RPS6KA2: variants seen among roughly 807,000 people sequenced by gnomAD.
RPS6KA2 encodes ribosomal protein S6 kinase A2.
Under a neutral mutation model 91.8 loss-of-function variants are expected in RPS6KA2, and 42 were observed. The observed-to-expected ratio is 0.46, with a 90% confidence interval of 0.36 to 0.59. The LOEUF is 0.59. RPS6KA2 is among the 20% of genes least tolerant of loss of function. The pLI is 0.00. For missense variants in RPS6KA2, 798 were observed against 978.5 expected (o/e 0.82, Z 2.46); for synonymous variants, 414 against 393.6 (o/e 1.05, Z -0.61).
At chr6:166,436,333 A>C (rs1296579859) in intron 14 of RPS6KA2, among the ~76,000 whole-genome samples, 2 of 152,130 alleles carry the variant, frequency 1.3e-5, no homozygotes, top group South Asian at 2.1e-4. Flanking sequence ...AAAAAAAAAA[A>C]ACCTCAGATG....
intron 2 of RPS6KA2, among the ~76,000 whole-genome samples, chr6:166,842,619 G>A (rs1327288708): frequency 1.3e-5 from 2 of 152,236 alleles, no homozygotes; most frequent in Admixed American, 6.5e-5. Flanking sequence ...CAGAGGGGCT[G>A]TATCCATAAC....
chr6:166,764,960 A>T (rs986725122), intron 2 of RPS6KA2, among the ~76,000 whole-genome samples: 18 of 152,204 alleles, frequency 1.2e-4, no homozygotes, highest in African/African-American at 4.1e-4. Flanking sequence ...CTGTCCTCTC[A>T]TCATATGTCC....
At position 166,451,115 on chromosome 6, in the gene RPS6KA2, G is replaced by T. The variant is rs747699856; in HGVS notation, c.1194C>A (p.His398Gln). Residue 398 changes from histidine to glutamine, a missense_variant, in exon 13 of 21, where the codon CAC (histidine) becomes CAA (glutamine). His to Gln is a conservative substitution (Grantham distance 24). Transcript: ENST00000265678. ...SQQDLHKVPV[H>Q]PIVQQLHGNN... Reference sequence around the variant, plus strand: ...CAAACACAGTTACCTGCACGATTGGGTGAACTGGGACTTTGTGCAGATCTT... The same window carrying T: ...CAAACACAGTTACCTGCACGATTGGTTGAACTGGGACTTTGTGCAGATCTT... The T allele has an allele frequency of 6.2e-7, 1 of 1,614,090 alleles. No individual in the cohort carries two copies. Among genetic ancestry groups the T allele is most frequent in the Non-Finnish European group, 8.5e-7 (1 of 1,179,980 alleles).
At chr6:166,657,684 G>T (rs375146345) in intron 2 of RPS6KA2, among the ~76,000 whole-genome samples, 82 of 152,310 alleles carry the variant, frequency 5.4e-4, no homozygotes, top group Middle Eastern at 6.8e-3. Context: ...AGTGTGCTAG[G>T]CGTTGGAAGG....
chr6:166,537,866 A>T (rs1033223134), intron 2 of RPS6KA2, among the ~76,000 whole-genome samples: 1 of 152,242 alleles, frequency 6.6e-6, no homozygotes, highest in Non-Finnish European at 1.5e-5. Context: ...TATATTTCTA[A>T]CAGCTAACCC....
At chr6:166,578,201 C>A (rs147218270) in intron 1 of RPS6KA2, among the ~76,000 whole-genome samples, 1 of 152,158 alleles carries the variant, frequency 6.6e-6, no homozygotes, top group African/African-American at 2.4e-5. Context: ...GGTTTCCTGA[C>A]CCTCAAGATG....
intron 2 of RPS6KA2, among the ~76,000 whole-genome samples, chr6:166,678,842 G>A (rs943022570): frequency 3.3e-5 from 5 of 152,186 alleles, no homozygotes; most frequent in Non-Finnish European, 5.9e-5. Context: ...GCTCTCAACC[G>A]CAAAGCAGGT....
At chr6:166,718,682 C>T (rs11966441) in intron 2 of RPS6KA2, among the ~76,000 whole-genome samples, 5 of 152,068 alleles carry the variant, frequency 3.3e-5, no homozygotes, top group South Asian at 4.1e-4. Flanking sequence ...TCAATACAGA[C>T]GTATCTGTAA....
In RPS6KA2 at chr6:166,648,031, CACAT is replaced by C. The variant is rs1185992506; in HGVS notation, c.124-109251_124-109248del. On this transcript the variant is annotated intron_variant, in intron 2 of 21. Coordinates refer to the RPS6KA2 transcript ENST00000503859. The surrounding 1 kb of genome is among the most constrained non-coding windows in gnomAD (Gnocchi z 4.8). ...GCACATGCTTACACACATACATACACACATGCTCTCACACACATGCACATGCTCA... is the reference window on the plus strand; with the variant it reads ...GCACATGCTTACACACATACATACACGCTCTCACACACATGCACATGCTCA... 2.8e-5 allele frequency among the ~76,000 whole-genome samples: 4 copies of C among 141,522 alleles called. No homozygotes were observed. The highest frequency in any genetic ancestry group is 4.3e-4 in the East Asian group (2 of 4,646). 92.8% of individuals were successfully genotyped at this position (141,522 alleles called of 152,430 possible). A position where few individuals can be genotyped will look rare whatever the true frequency, so the allele number is the denominator to read the frequency against.
At chr6:166,667,309 G>T (rs1788343513) in intron 2 of RPS6KA2, among the ~76,000 whole-genome samples, 1 of 152,200 alleles carries the variant, frequency 6.6e-6, no homozygotes, top group Non-Finnish European at 1.5e-5. Context: ...TGTAACTGCA[G>T]TATATGTGCA....
At chr6:166,518,251 C>CAAAAAAAA (rs11373431) in intron 3 of RPS6KA2, among the ~76,000 whole-genome samples, 2 of 87,310 alleles carry the variant, frequency 2.3e-5, no homozygotes, top group African/African-American at 4.8e-5. Flanking sequence ...AACACTGCCT[C>CAAAAAAAA]AAAAAAAAAA....
At chr6:166,481,105 C>G (rs1781199817) in intron 10 of RPS6KA2, among the ~76,000 whole-genome samples, 1 of 152,104 alleles carries the variant, frequency 6.6e-6, no homozygotes, top group Admixed American at 6.5e-5. Flanking sequence ...AAATTCTCTG[C>G]AGGAAAAGAG....
intron 8 of RPS6KA2, among the ~76,000 whole-genome samples, chr6:166,497,368 C>A (rs1020848483): frequency 6.6e-6 from 1 of 152,262 alleles, no homozygotes; most frequent in African/African-American, 2.4e-5. Flanking sequence ...CAGGAATGAC[C>A]AGGGACGGAA....
chr6:166,695,609 G>A (rs1789332566), intron 2 of RPS6KA2, among the ~76,000 whole-genome samples: 1 of 152,226 alleles, frequency 6.6e-6, no homozygotes, highest in Admixed American at 6.5e-5. Flanking sequence ...TAGCAGGCAA[G>A]CGAGTGTTAC....
intron 1 of RPS6KA2, among the ~76,000 whole-genome samples, chr6:166,601,476 G>A (rs1015839691): frequency 6.6e-6 from 1 of 152,228 alleles, no homozygotes; most frequent in African/African-American, 2.4e-5. Context: ...AACCCGATAA[G>A]ATAAAGGTAG....
intron 2 of RPS6KA2, among the ~76,000 whole-genome samples, chr6:166,534,418 C>T (rs531927496): frequency 3.9e-5 from 6 of 152,170 alleles, no homozygotes; most frequent in South Asian, 4.2e-4. Flanking sequence ...AGGTACATGA[C>T]GGATTTGTGT....
chr6:166,532,087 G>A (rs564427414), intron 2 of RPS6KA2, among the ~76,000 whole-genome samples: 8 of 152,310 alleles, frequency 5.3e-5, no homozygotes, highest in African/African-American at 1.9e-4. Flanking sequence ...ACAGGCACAC[G>A]GTGCACTGGT....
At position 166,526,996 on chromosome 6, in the gene RPS6KA2, C is replaced by T. The variant is rs754422478; in HGVS notation, c.298+4236G>A. 4.3e-4 allele frequency among the ~76,000 whole-genome samples: 66 copies of T among 152,190 alleles called. 1 individual carries two copies. The highest frequency in any genetic ancestry group is 1.9e-4 in the East Asian group (1 of 5,202). On this transcript the variant is annotated intron_variant, in intron 3 of 20. Coordinates refer to ENST00000265678, the MANE Select transcript of RPS6KA2 (RefSeq NM_021135.6). ...TTCCACATAACCATGGATCAGGAGC[C>T]GTTTCTCAAGGACACTGTGGACTGG...
intron 2 of RPS6KA2, among the ~76,000 whole-genome samples, chr6:166,746,383 C>A (rs1229011797): frequency 6.6e-6 from 1 of 152,236 alleles, no homozygotes; most frequent in Non-Finnish European, 1.5e-5. Flanking sequence ...ACCCAACACT[C>A]TGACACCATA....
Sources: gnomAD v4.1 joint callset for allele counts (sites outside exome capture counted in the v4.1 genomes callset) on GRCh38, gnomAD v4.1.1 for gene constraint, Gnocchi (gnomAD v3.1) non-coding constraint, MANE v1.5 for transcripts, NCBI Gene and HGNC (gene_info 2026-07-23, HGNC 2026-07-21) for gene names.